NALF1: variants seen among roughly 807,000 people sequenced by gnomAD.
The protein encoded by NALF1 is NALCN channel auxiliary factor 1, also known as family with sequence similarity 155 member A.
In NALF1, 3 loss-of-function variants were observed where a neutral mutation model predicts 48.4. That is an observed-to-expected ratio of 0.06 (90% CI 0.03 to 0.16). The LOEUF (loss-of-function observed/expected upper bound fraction) is 0.16. NALF1 is among the 10% of genes least tolerant of loss of function. The probability of loss-of-function intolerance (pLI) is 1.00; values close to 1 mark genes in which losing one functional copy is unlikely to be tolerated. For synonymous variants in NALF1, 262 were observed against 245.7 expected (o/e 1.07, Z -0.62); for missense variants, 526 against 571.5 (o/e 0.92, Z 0.81).
rs879682183 is a variant in NALF1 at position 107,644,657 on chromosome 13, A to ATATATATATATATATATG, written c.915+221024_915+221025insCATATATATATATATATA. 8.5e-3 allele frequency among the ~76,000 whole-genome samples: 1,171 copies of ATATATATATATATATATG among 137,650 alleles called. 15 individuals carry two copies. The highest frequency in any genetic ancestry group is 0.015 in the South Asian group (64 of 4,278). The allele number at this position is 137,650 out of a possible 152,430, so 90.3% of individuals were successfully genotyped here. A position where few individuals can be genotyped will look rare whatever the true frequency, so the allele number is the denominator to read the frequency against. ...TACATACATACATACATATATATATATATATATATGCTTTCACTTAAGTTG... is the reference window on the plus strand; with the variant it reads ...TACATACATACATACATATATATATATATATATATATATATATGTATATATATGCTTTCACTTAAGTTG... On this transcript the variant is annotated intron_variant, in intron 1 of 2. Coordinates refer to ENST00000375915, the MANE Select transcript of NALF1 (RefSeq NM_001080396.3).
chr13:107,802,237 C>T (rs1878641226), intron 1 of NALF1, among the ~76,000 whole-genome samples: 2 of 152,302 alleles, frequency 1.3e-5, no homozygotes, highest in South Asian at 2.1e-4. Context: ...CAATTACTCA[C>T]TTCACATTAC....
chr13:107,667,650 G>A (rs923516562), intron 1 of NALF1, among the ~76,000 whole-genome samples: 1 of 152,016 alleles, frequency 6.6e-6, no homozygotes, highest in Admixed American at 6.6e-5. Context: ...TGTTTTCCGA[G>A]TTTAAAGTCA....
intron 2 of NALF1, among the ~76,000 whole-genome samples, chr13:107,199,553 A>T (rs1879465572): frequency 6.6e-6 from 1 of 152,150 alleles, no homozygotes; most frequent in African/African-American, 2.4e-5. Context: ...TTTGGAGAAC[A>T]GGGGATACAA....
intron 1 of NALF1, among the ~76,000 whole-genome samples, chr13:107,212,848 G>A (rs559826906): frequency 1.3e-5 from 2 of 152,212 alleles, no homozygotes; most frequent in Non-Finnish European, 2.9e-5. Flanking sequence ...CTTGCTTTCC[G>A]CACATTTCTG....
At chr13:107,292,574 A>C (rs1277969786) in intron 1 of NALF1, among the ~76,000 whole-genome samples, 1 of 152,142 alleles carries the variant, frequency 6.6e-6, no homozygotes, top group Non-Finnish European at 1.5e-5. Flanking sequence ...CAGGTCATCA[A>C]CATCACTGTC....
chr13:107,359,101 C>G (rs1419032805), intron 1 of NALF1, among the ~76,000 whole-genome samples: 1 of 152,102 alleles, frequency 6.6e-6, no homozygotes, highest in Admixed American at 6.6e-5. Flanking sequence ...GAACATTCCC[C>G]TCCCTGAAAT....
intron 1 of NALF1, among the ~76,000 whole-genome samples, chr13:107,755,251 T>C (rs1417401876): frequency 6.6e-6 from 1 of 152,160 alleles, no homozygotes; most frequent in African/African-American, 2.4e-5. Context: ...AGTTTCAGTT[T>C]AGCATTTGAC....
At chr13:107,545,881 T>C (rs1350947847) in intron 1 of NALF1, among the ~76,000 whole-genome samples, 1 of 152,144 alleles carries the variant, frequency 6.6e-6, no homozygotes, top group African/African-American at 2.4e-5. Flanking sequence ...CCCTAATAAC[T>C]AATATCCCTG....
chr13:107,690,273 G>A (rs1306154070), intron 1 of NALF1, among the ~76,000 whole-genome samples: 4 of 152,180 alleles, frequency 2.6e-5, no homozygotes, highest in African/African-American at 9.7e-5. Context: ...AGCTTCAAAT[G>A]AGAATGTTTA....
chr13:107,337,040 CCCCAAAAAAAAA>C (rs1882571534), intron 1 of NALF1, among the ~76,000 whole-genome samples: 1 of 39,916 alleles, frequency 2.5e-5, no homozygotes, highest in Admixed American at 3.6e-4. Context: ...TTCTTTCATT[CCCCAAAAAAAAA>C]AAAAAAAAAA....
At chr13:107,623,564 A>G (rs1402124593) in intron 1 of NALF1, among the ~76,000 whole-genome samples, 1 of 152,216 alleles carries the variant, frequency 6.6e-6, no homozygotes, top group Non-Finnish European at 1.5e-5. Context: ...AAATATAAGT[A>G]AATGTGCCAC....
At chr13:107,576,671 T>C (rs1296199650) in intron 1 of NALF1, among the ~76,000 whole-genome samples, 4 of 152,184 alleles carry the variant, frequency 2.6e-5, no homozygotes, top group Non-Finnish European at 4.4e-5. Flanking sequence ...ATCTGGACTC[T>C]GTGAAATTCG....
intron 1 of NALF1, among the ~76,000 whole-genome samples, chr13:107,646,357 A>G (rs1880315165): frequency 6.6e-6 from 1 of 152,002 alleles, no homozygotes; most frequent in East Asian, 1.9e-4. Context: ...ATCCTAACAT[A>G]ATAACAGTAG....
chr13:107,563,240 G>A (rs1238287158), intron 1 of NALF1, among the ~76,000 whole-genome samples: 1 of 152,178 alleles, frequency 6.6e-6, no homozygotes, highest in Admixed American at 6.5e-5. Flanking sequence ...AGCTGTGGAT[G>A]ACAGTCAGAG....
At chr13:107,258,109 C>G (rs1484812633) in intron 1 of NALF1, among the ~76,000 whole-genome samples, 2 of 152,100 alleles carry the variant, frequency 1.3e-5, no homozygotes, top group African/African-American at 4.8e-5. Flanking sequence ...TTTTGGGAAA[C>G]AATGTACCCT....
At chr13:107,725,686 C>CAA (rs1262849129) in intron 1 of NALF1, among the ~76,000 whole-genome samples, 20 of 95,838 alleles carry the variant, frequency 2.1e-4, no homozygotes, top group East Asian at 9.0e-4. Context: ...CTCTGTCTCT[C>CAA]AAAAAAAAAA....
At chr13:107,663,115 T>G (rs1880770784) in intron 1 of NALF1, among the ~76,000 whole-genome samples, 1 of 152,236 alleles carries the variant, frequency 6.6e-6, no homozygotes, top group African/African-American at 2.4e-5. Flanking sequence ...AAATTGATTA[T>G]GTTGGTACTA....
chr13:107,372,984 C>T (rs996057201), intron 1 of NALF1, among the ~76,000 whole-genome samples: 1 of 152,132 alleles, frequency 6.6e-6, no homozygotes, highest in Non-Finnish European at 1.5e-5. Context: ...GTCATTTAAT[C>T]TCTCTGAACC....
intron 1 of NALF1, among the ~76,000 whole-genome samples, chr13:107,670,342 G>A (rs780745920): frequency 1.3e-5 from 2 of 152,016 alleles, no homozygotes; most frequent in African/African-American, 2.4e-5. Flanking sequence ...AAGAACTTAG[G>A]AAGGGTCGTA....
Sources: gnomAD v4.1 joint callset for allele counts (sites outside exome capture counted in the v4.1 genomes callset) on GRCh38, gnomAD v4.1.1 for gene constraint, MANE v1.5 for transcripts, NCBI Gene and HGNC (gene_info 2026-07-23, HGNC 2026-07-21) for gene names.